The following HS6ST3 variants were observed in gnomAD, a reference collection of about 807,000 sequenced individuals.
The protein encoded by HS6ST3 is heparan sulfate 6-O-sulfotransferase 3.
HS6ST3 carries 12 observed loss-of-function variants against 36.7 expected under a neutral mutation model. The observed-to-expected ratio is 0.33, with a 90% confidence interval of 0.21 to 0.53. The LOEUF (loss-of-function observed/expected upper bound fraction) is 0.53. HS6ST3 is among the 20% of genes least tolerant of loss of function. The pLI, the probability that HS6ST3 is intolerant of heterozygous loss-of-function variation, is 0.95. For synonymous variants in HS6ST3, 240 were observed against 257.5 expected (o/e 0.93, Z 0.65); for missense variants, 584 against 640.9 (o/e 0.91, Z 0.96).
intron 1 of HS6ST3, among the ~76,000 whole-genome samples, chr13:96,709,792 A>C (rs190154037): frequency 6.6e-6 from 1 of 152,354 alleles, no homozygotes; most frequent in East Asian, 1.9e-4. Context: ...GCTGACTACA[A>C]CAATGAACAA....
chr13:96,503,094 A>G (rs569443459), intron 1 of HS6ST3, among the ~76,000 whole-genome samples: 12 of 152,130 alleles, frequency 7.9e-5, no homozygotes, highest in Middle Eastern at 3.4e-3. Flanking sequence ...CATTTTGTGC[A>G]TATGTGGTTT....
At chr13:96,314,040 A>G (rs990753721) in intron 1 of HS6ST3, among the ~76,000 whole-genome samples, 4 of 152,082 alleles carry the variant, frequency 2.6e-5, no homozygotes, top group African/African-American at 9.7e-5. Flanking sequence ...ATCTCTACCA[A>G]AAATACAAAA....
chr13:96,345,492 C>G (rs1431374301), intron 1 of HS6ST3, among the ~76,000 whole-genome samples: 1 of 152,068 alleles, frequency 6.6e-6, no homozygotes, highest in Non-Finnish European at 1.5e-5. Flanking sequence ...TGAAAGGATT[C>G]TATTTGTCTT....
intron 1 of HS6ST3, among the ~76,000 whole-genome samples, chr13:96,369,587 A>T (rs952485630): frequency 6.6e-6 from 1 of 152,198 alleles, no homozygotes; most frequent in Non-Finnish European, 1.5e-5. Flanking sequence ...CAAGCCCTGC[A>T]CATTTGTTAG....
chr13:96,140,673 C>T (rs963010702), intron 1 of HS6ST3, among the ~76,000 whole-genome samples: 1 of 152,028 alleles, frequency 6.6e-6, no homozygotes, highest in African/African-American at 2.4e-5. Context: ...AAAAGGAAAC[C>T]GTGAAGCCAT....
intron 1 of HS6ST3, among the ~76,000 whole-genome samples, chr13:96,740,609 CAG>C (rs1460639374): frequency 6.6e-6 from 1 of 152,112 alleles, no homozygotes; most frequent in Non-Finnish European, 1.5e-5. Flanking sequence ...TTGCTATGGA[CAG>C]GGTTTTCTGC....
intron 1 of HS6ST3, among the ~76,000 whole-genome samples, chr13:96,418,063 G>A (rs182121510): frequency 6.6e-6 from 1 of 152,150 alleles, no homozygotes; most frequent in South Asian, 2.1e-4. Context: ...TTCTTCATAA[G>A]GCACATCTCA....
At chr13:96,712,279 G>A (rs1262942979) in intron 1 of HS6ST3, among the ~76,000 whole-genome samples, 3 of 152,182 alleles carry the variant, frequency 2.0e-5, no homozygotes, top group Non-Finnish European at 2.9e-5. Context: ...GAACAGCAAC[G>A]TAAGAGACAT....
At chr13:96,235,819 C>G (rs1308945810) in intron 1 of HS6ST3, among the ~76,000 whole-genome samples, 1 of 152,076 alleles carries the variant, frequency 6.6e-6, no homozygotes, top group Non-Finnish European at 1.5e-5. Flanking sequence ...CTGTATTAGT[C>G]AGGGTTCTCT....
chr13:96,261,110 T>C (rs931322795), intron 1 of HS6ST3, among the ~76,000 whole-genome samples: 4 of 152,106 alleles, frequency 2.6e-5, no homozygotes, highest in African/African-American at 9.7e-5. Context: ...AAATTCATTA[T>C]TTTAAAAAAT....
At chr13:96,821,078 T>C (rs773964991) in intron 1 of HS6ST3, among the ~76,000 whole-genome samples, 2 of 152,258 alleles carry the variant, frequency 1.3e-5, no homozygotes, top group Non-Finnish European at 2.9e-5. Context: ...TTGTCTCTAA[T>C]GCCCCTTCCT....
chr13:96,356,755 A>G (rs1028475655), intron 1 of HS6ST3, among the ~76,000 whole-genome samples: 3 of 152,184 alleles, frequency 2.0e-5, no homozygotes, highest in African/African-American at 7.2e-5. Flanking sequence ...GGTTTCATTA[A>G]AGTCACCAGC....
intron 1 of HS6ST3, among the ~76,000 whole-genome samples, chr13:96,264,773 A>G (rs963381237): frequency 3.9e-5 from 6 of 152,310 alleles, no homozygotes; most frequent in African/African-American, 1.4e-4. Context: ...TTATTTCTAA[A>G]TGGCAAAGGT....
chr13:96,453,768 G>A (rs1055793337), intron 1 of HS6ST3, among the ~76,000 whole-genome samples: 1 of 152,166 alleles, frequency 6.6e-6, no homozygotes, highest in Non-Finnish European at 1.5e-5. Context: ...TTACATCACA[G>A]CACTGCTTAG....
intron 1 of HS6ST3, among the ~76,000 whole-genome samples, chr13:96,693,133 G>C (rs1875013858): frequency 6.6e-6 from 1 of 151,988 alleles, no homozygotes; most frequent in Non-Finnish European, 1.5e-5. Flanking sequence ...GGTAGATAAG[G>C]CTACCGTCTC....
At chr13:96,342,273 T>C (rs2055134705) in intron 1 of HS6ST3, among the ~76,000 whole-genome samples, 1 of 152,236 alleles carries the variant, frequency 6.6e-6, no homozygotes, top group Admixed American at 6.5e-5. Flanking sequence ...TGTGTTTCTT[T>C]GCATATCATT....
chr13:96,216,523 T>G (rs2054426935), intron 1 of HS6ST3, among the ~76,000 whole-genome samples: 1 of 152,200 alleles, frequency 6.6e-6, no homozygotes. Flanking sequence ...ATACCTTCTG[T>G]GTACAAAGAA....
chr13:96,456,645 G>T (rs1000009996), intron 1 of HS6ST3, among the ~76,000 whole-genome samples: 4 of 152,106 alleles, frequency 2.6e-5, no homozygotes, highest in African/African-American at 9.7e-5. Flanking sequence ...GAAGTTAGCT[G>T]AGAAAGTGAT....
chr13:96,749,212 T>A (rs1316096766), intron 1 of HS6ST3, among the ~76,000 whole-genome samples: 1 of 152,158 alleles, frequency 6.6e-6, no homozygotes, highest in Non-Finnish European at 1.5e-5. Context: ...TATTTTGCCA[T>A]AAAGTGATAA....
Sources: gnomAD v4.1 joint callset for allele counts (sites outside exome capture counted in the v4.1 genomes callset) on GRCh38, gnomAD v4.1.1 for gene constraint, MANE v1.5 for transcripts, NCBI Gene and HGNC (gene_info 2026-07-23, HGNC 2026-07-21) for gene names.